WDR7: variants seen among roughly 807,000 people sequenced by gnomAD.
WDR7 encodes the protein WD repeat-containing protein 7.
Under a neutral mutation model 169.4 loss-of-function variants are expected in WDR7, and 46 were observed. The ratio of observed to expected loss-of-function variants is 0.27; its 90% CI spans 0.21 to 0.35. The LOEUF (loss-of-function observed/expected upper bound fraction) is 0.35. WDR7 is among the 10% of genes least tolerant of loss of function. The pLI, the probability that WDR7 is intolerant of heterozygous loss-of-function variation, is 1.00. For synonymous variants in WDR7, 612 were observed against 666.8 expected (o/e 0.92, Z 1.27); for missense variants, 1,534 against 1,859.3 (o/e 0.83, Z 3.22).
intron 14 of WDR7, among the ~76,000 whole-genome samples, chr18:56,732,544 A>G (rs904967050): frequency 1.3e-5 from 2 of 152,186 alleles, no homozygotes; most frequent in African/African-American, 2.4e-5. Flanking sequence ...TGATACATGA[A>G]ATACTGTAGG....
intron 19 of WDR7, among the ~76,000 whole-genome samples, chr18:56,810,934 A>C (rs2044858295): frequency 6.6e-6 from 1 of 151,944 alleles, no homozygotes; most frequent in Non-Finnish European, 1.5e-5. Context: ...CATTAGCATT[A>C]CTCCATGTTC....
At chr18:56,659,499 G>A (rs537024840) in intron 1 of WDR7, among the ~76,000 whole-genome samples, 2 of 152,282 alleles carry the variant, frequency 1.3e-5, no homozygotes, top group African/African-American at 2.4e-5. Context: ...AGAGGCAGAT[G>A]ATAAATAAAT....
chr18:56,811,583 G>GT (rs903680743), intron 19 of WDR7, among the ~76,000 whole-genome samples: 3 of 151,912 alleles, frequency 2.0e-5, no homozygotes, highest in African/African-American at 2.4e-5. Flanking sequence ...TTTCTCCTGA[G>GT]TTTTTTTGGA....
chr18:56,805,595 C>T (rs1254809815), intron 19 of WDR7, among the ~76,000 whole-genome samples: 2 of 152,048 alleles, frequency 1.3e-5, no homozygotes, highest in African/African-American at 4.8e-5. Context: ...CTGCTTCTGG[C>T]TCTACCCAAA....
rs114679940 is a variant in WDR7, at chr18:56,882,276, G to A, written c.3526+2111G>A. Reference sequence around the variant, plus strand: ...ATGTAGAGCAGGTCCTTATTTAGAAGTTTGGCATTAGACTATTAGAGGTTA... The same window carrying A: ...ATGTAGAGCAGGTCCTTATTTAGAAATTTGGCATTAGACTATTAGAGGTTA... On this transcript the variant is annotated intron_variant, in intron 21 of 27. Transcript: ENST00000254442. Among the ~76,000 whole-genome samples, 851 of 152,326 alleles carry A rather than the reference G, an allele frequency of 5.6e-3. 11 individuals are homozygous for A. The highest frequency in any genetic ancestry group is 0.019 in the African/African-American group (808 of 41,556).
intron 21 of WDR7, among the ~76,000 whole-genome samples, chr18:56,900,055 C>CAT (rs1180519482): frequency 1.6e-5 from 2 of 124,990 alleles, no homozygotes; most frequent in African/African-American, 6.1e-5. Context: ...TCACTGGACA[C>CAT]ATATATATAT....
chr18:56,884,086 C>T (rs1175465890), intron 21 of WDR7, among the ~76,000 whole-genome samples: 1 of 151,800 alleles, frequency 6.6e-6, no homozygotes, highest in African/African-American at 2.4e-5. Flanking sequence ...AAGGAATCTT[C>T]ACACTGTTTT....
At chr18:56,746,002 A>C (rs1345776846) in intron 14 of WDR7, among the ~76,000 whole-genome samples, 1 of 152,184 alleles carries the variant, frequency 6.6e-6, no homozygotes, top group Non-Finnish European at 1.5e-5. Flanking sequence ...CAATGATTTC[A>C]AGGTTTAAAC....
chr18:56,686,613 G>A (rs1316673810), intron 6 of WDR7, among the ~76,000 whole-genome samples: 1 of 152,132 alleles, frequency 6.6e-6, no homozygotes, highest in Non-Finnish European at 1.5e-5. Flanking sequence ...TTACCAGAGT[G>A]ATGATACTCT....
At chr18:56,760,443 T>C (rs2043964204) in intron 16 of WDR7, among the ~76,000 whole-genome samples, 1 of 152,246 alleles carries the variant, frequency 6.6e-6, no homozygotes, top group African/African-American at 2.4e-5. Context: ...ATTTAGTCAA[T>C]TAAACAGTAT....
intron 21 of WDR7, among the ~76,000 whole-genome samples, chr18:56,901,331 C>T (rs2046398077): frequency 6.6e-6 from 1 of 152,126 alleles, no homozygotes; most frequent in African/African-American, 2.4e-5. Context: ...AAATTGTTCT[C>T]TATTTTGTTG....
chr18:56,995,986 G>T lies in WDR7; in HGVS notation c.4165-24759G>T, dbSNP rs529773387. Among the ~76,000 whole-genome samples the T allele has an allele frequency of 7.9e-5, 12 of 151,984 alleles. No homozygotes were observed. In the East Asian group the frequency reaches 2.3e-3, roughly 29 times the overall value. ...TGCACATTTGGTACCTGGGCCACTTGTTTTTTTTCAGGCGTAATGATTCCA... is the reference window on the plus strand; with the variant it reads ...TGCACATTTGGTACCTGGGCCACTTTTTTTTTTTCAGGCGTAATGATTCCA... On this transcript the variant is annotated intron_variant, in intron 26 of 27. Coordinates refer to ENST00000254442, the MANE Select transcript of WDR7 (RefSeq NM_015285.3).
chr18:57,029,764 T>C lies in WDR7; in HGVS notation c.*2557T>C, dbSNP rs1319379711. 1 of 152,216 alleles carries C rather than the reference T, an allele frequency of 6.6e-6. No homozygotes were observed. Among genetic ancestry groups the C allele is most frequent in the Admixed American group, 6.5e-5 (1 of 15,280 alleles). 9.4% of individuals were successfully genotyped at this position (152,216 alleles called of 1,614,324 possible). Reference sequence around the variant, plus strand: ...TGTGCTGAATGTTCCTGTGTACATATGTGTGTTAAATAAAACAATTGTATT... The same window carrying C: ...TGTGCTGAATGTTCCTGTGTACATACGTGTGTTAAATAAAACAATTGTATT... On this transcript the variant is annotated 3_prime_UTR_variant, in exon 28 of 28. Coordinates refer to ENST00000254442, the MANE Select transcript of WDR7 (RefSeq NM_015285.3).
chr18:56,998,243 G>A (rs2145877913), intron 26 of WDR7, among the ~76,000 whole-genome samples: 1 of 152,264 alleles, frequency 6.6e-6, no homozygotes, highest in East Asian at 1.9e-4. Context: ...GAGAGATTGG[G>A]TTTAAACTCG....
At chr18:56,876,494 G>A (rs1044930873) in intron 20 of WDR7, among the ~76,000 whole-genome samples, 1 of 152,160 alleles carries the variant, frequency 6.6e-6, no homozygotes, top group Non-Finnish European at 1.5e-5. Context: ...AATGATCTGG[G>A]CTGAAACCAT....
chr18:57,017,891 C>T (rs1178341018), intron 26 of WDR7, among the ~76,000 whole-genome samples: 1 of 152,064 alleles, frequency 6.6e-6, no homozygotes. Context: ...ATAGAAGTAC[C>T]CTTCACGTGG....
chr18:56,670,704 T>C (rs550051879), intron 1 of WDR7, among the ~76,000 whole-genome samples: 1 of 152,090 alleles, frequency 6.6e-6, no homozygotes, highest in East Asian at 1.9e-4. Flanking sequence ...AGGGACGGGG[T>C]TTCACCATGT....
chr18:56,745,387 ACAG>A (rs1165913403), intron 14 of WDR7, among the ~76,000 whole-genome samples: 1 of 152,204 alleles, frequency 6.6e-6, no homozygotes, highest in East Asian at 1.9e-4. Flanking sequence ...AGTCTCCAGA[ACAG>A]CACGCCCCAA....
chr18:56,748,611 CTCAG>C (rs1284253380), intron 14 of WDR7, among the ~76,000 whole-genome samples: 2 of 151,804 alleles, frequency 1.3e-5, no homozygotes, highest in Non-Finnish European at 2.9e-5. Flanking sequence ...ACCTTAAAAC[CTCAG>C]TCAAATGTCT....
Sources: allele counts gnomAD v4.1 joint callset (sites outside exome capture counted in the v4.1 genomes callset), GRCh38; gene constraint gnomAD v4.1.1; transcripts MANE v1.5; gene names NCBI Gene and HGNC (gene_info 2026-07-23, HGNC 2026-07-21).